The following LRRC57 variants were observed in gnomAD, a reference collection of about 807,000 sequenced individuals.
LRRC57 encodes the protein leucine-rich repeat-containing protein 57.
A neutral mutation model predicts 23.1 loss-of-function variants in LRRC57; 14 were observed. The ratio of observed to expected loss-of-function variants is 0.61; its 90% confidence interval spans 0.40 to 0.95. LRRC57 has a LOEUF of 0.95. Among genes scored for constraint, LRRC57 ranks in the 40% least tolerant of loss-of-function variants. The pLI, the probability that LRRC57 is intolerant of heterozygous loss-of-function variation, is 0.00. For missense variants in LRRC57, 236 were observed against 284.4 expected, an observed-to-expected ratio of 0.83 and a Z score of 1.22; for synonymous variants, 106 against 115.2, an observed-to-expected ratio of 0.92 and a Z score of 0.51.
chr15:42,528,357 C>T, the LRRC57 span: 54 of 1,613,928 alleles, frequency 3.3e-5, 1 homozygote, highest in Admixed American at 1.0e-4. Context: ...CAGCCAGGCC[C>T]GGTGACAAAT....
the LRRC57 span, among the ~76,000 whole-genome samples, chr15:42,529,454 CAG>C: frequency 1.0e-3 from 153 of 152,270 alleles, no homozygotes; most frequent in Non-Finnish European, 1.7e-3. Context: ...AACACTGTTT[CAG>C]AGTTTCTTTC....
At chr15:42,528,470 A>T in the LRRC57 span, 1 of 1,579,852 alleles carries the variant, frequency 6.3e-7, no homozygotes, top group Non-Finnish European at 8.7e-7. Context: ...TGAATGGTTC[A>T]CTTAGGAGAT....
In LRRC57 at chr15:42,548,022, C is replaced by CA. The variant is rs145859865; in HGVS notation, c.223+83dup. 9.9e-3 allele frequency: 14,866 copies of CA among 1,506,856 alleles called. 1,033 individuals are homozygous for CA. In the African/African-American group the frequency reaches 0.16, roughly 17 times the overall value. The allele number at this position is 1,506,856 out of a possible 1,614,324, so 93.3% of individuals were successfully genotyped here. On this transcript the variant is annotated intron_variant, in intron 3 of 5. Transcript: ENST00000397130. ...TGAGCCCTCCTGCACGGTTTCATAA[C>CA]AAAAACAAAAATCAGCTTGTAAGAG...
intron 3 of LRRC57, 158 bp downstream of exon 3, chr15:42,547,948 A>T: frequency 1.5e-6 from 1 of 667,084 alleles, no homozygotes; most frequent in South Asian, 2.0e-5. Flanking sequence ...TTTTAGATGT[A>T]ATTACAAGAA....
At chr15:42,535,486 T>A (rs186456343), downstream of LRRC57, among the ~76,000 whole-genome samples, 1 of 151,272 alleles carries the variant, frequency 6.6e-6, no homozygotes, top group Non-Finnish European at 1.5e-5. Flanking sequence ...TGCTCTGTCG[T>A]CCAGGCTGGA....
At chr15:42,546,460 G>A (rs748657871) in intron 4 of LRRC57, among the ~76,000 whole-genome samples, 2 of 151,990 alleles carry the variant, frequency 1.3e-5, no homozygotes, top group Non-Finnish European at 2.9e-5. Flanking sequence ...AAAAAAACAT[G>A]AGGCCAATTC....
At chr15:42,528,447 G>A in the LRRC57 span, 1 of 1,611,230 alleles carries the variant, frequency 6.2e-7, no homozygotes, top group East Asian at 2.2e-5. Context: ...TGATATTCCT[G>A]TACCTTTCTT....
At chr15:42,536,290 A>G (rs79776534), downstream of LRRC57, among the ~76,000 whole-genome samples, 763 of 152,376 alleles carry the variant, frequency 5.0e-3, 9 homozygotes, top group African/African-American at 0.017. Flanking sequence ...CAAACTGTCT[A>G]TTTGTGAAAA....
Position 42,547,472 on chromosome 15 carries a change from T to A in LRRC57, c.281A>T (p.Asn94Ile), listed in dbSNP as rs765799395. ...LKKLETLSLN[N>I]NHLRELPSTF... ...AGACGGCAGCTCTCTAAGGTGATTGTTGTTTAGGCTTAGCGTCTCTAGTTT... is the reference window on the plus strand; with the variant it reads ...AGACGGCAGCTCTCTAAGGTGATTGATGTTTAGGCTTAGCGTCTCTAGTTT... Residue 94 changes from asparagine (N) to isoleucine (I), a missense_variant, in exon 4 of 6, where the codon AAC (asparagine) becomes ATC (isoleucine). Asn to Ile is a moderately radical substitution (Grantham distance 149). Transcript: ENST00000397130. 2 of 1,614,136 alleles carry A rather than the reference T, an allele frequency of 1.2e-6. No homozygotes were observed. The highest frequency in any genetic ancestry group is 1.7e-6 in the Non-Finnish European group (2 of 1,179,974).
downstream of LRRC57, among the ~76,000 whole-genome samples, chr15:42,537,231 T>TCACACACACACA (rs777117722): frequency 1.9e-3 from 255 of 132,128 alleles, no homozygotes; most frequent in African/African-American, 4.2e-3. Flanking sequence ...TCTCTCTCTC[T>TCACACACACACA]CTCACACACA....
In LRRC57 at chr15:42,541,277, G is replaced by C. The variant is rs12906697; in HGVS notation, c.*2806C>G. 85,457 of 152,012 alleles carry C rather than the reference G, an allele frequency of 0.56. 29,398 individuals carry two copies. The highest frequency in any genetic ancestry group is 0.79 in the East Asian group (4,064 of 5,154). The allele number at this position is 152,012 out of a possible 1,614,324, so 9.4% of individuals were successfully genotyped here. A position where few individuals can be genotyped will look rare whatever the true frequency, so the allele number is the denominator to read the frequency against. ...CCAGCACTTTGGGAGGCTGAGGTGG[G>C]TGGATCACCTGAAGCCAGGAGTTCA... On this transcript the variant is annotated 3_prime_UTR_variant, in exon 6 of 6. Transcript: ENST00000397130.
Position 42,544,100 on chromosome 15 carries a change from T to G in LRRC57, c.703A>C (p.Lys235Gln). The G allele has an allele frequency of 4.3e-6, 7 of 1,613,410 alleles. No individual in the cohort carries two copies. The highest frequency in any genetic ancestry group is 5.9e-6 in the Non-Finnish European group (7 of 1,179,536). The change falls in exon 6 of 6, where the codon AAG becomes CAG. Residue 235 changes from lysine to glutamine, a missense_variant. Physicochemically the swap from Lys to Gln is moderately conservative, Grantham distance 53. Transcript: ENST00000397130. ...DKYMERFTAT[K>Q]KKFA ...GGAGAACTTCACGCAAACTTCTTCT[T>G]GGTGGCTGTGAACCTCTCCATGTAC...
chr15:42,531,602 G>A, the LRRC57 span: 28 of 655,718 alleles, frequency 4.3e-5, no homozygotes, highest in Middle Eastern at 4.2e-4. Context: ...ATGGAAGAAG[G>A]GCCAGAGCAG....
chr15:42,547,301 C>T lies in LRRC57; in HGVS notation c.452G>A (p.Gly151Glu). 6.2e-7 allele frequency: 1 copy of T among 1,614,168 alleles called. No homozygotes were observed. Among genetic ancestry groups the T allele is most frequent in the Non-Finnish European group, 8.5e-7 (1 of 1,180,034 alleles). Residue 151 changes from glycine to glutamate, a missense_variant, in exon 4 of 6, where the codon GGA becomes GAA. Coordinates refer to ENST00000397130, the MANE Select transcript of LRRC57 (RefSeq NM_153260.3). ...GTTGAGTTCGATGACTTGCAGCTCT[C>T]CCACTGAGTCAGGTATACTTCGAAT... is the stretch of plus-strand genomic sequence containing the variant. ...NQIRSIPDSV[G>E]ELQVIELNLN...
In LRRC57 at chr15:42,548,446, G is replaced by A. The variant is rs374785573; in HGVS notation, c.-12C>T. 1 of 1,612,992 alleles carries A rather than the reference G, an allele frequency of 6.2e-7. No individual in the cohort carries two copies. The highest frequency in any genetic ancestry group is 8.5e-7 in the Non-Finnish European group (1 of 1,179,948). ...GCACTGTTTCCCATCCTAGCGCCGCGGCTCAGGTCCCTGCGGGAAGGAAGC... is the reference window on the plus strand; with the variant it reads ...GCACTGTTTCCCATCCTAGCGCCGCAGCTCAGGTCCCTGCGGGAAGGAAGC... On this transcript the variant is annotated 5_prime_UTR_variant, in exon 2 of 6. Coordinates refer to ENST00000397130, the MANE Select transcript of LRRC57 (RefSeq NM_153260.3).
the LRRC57 span, among the ~76,000 whole-genome samples, chr15:42,530,244 T>C: frequency 1.3e-5 from 2 of 152,178 alleles, no homozygotes; most frequent in Non-Finnish European, 2.9e-5. Context: ...CACATCAGCC[T>C]ATTTTGTTAA....
At chr15:42,529,758 C>T in the LRRC57 span, 2 of 1,613,990 alleles carry the variant, frequency 1.2e-6, no homozygotes, top group Non-Finnish European at 8.5e-7. Context: ...AAAGACATGG[C>T]CCTGAACATA....
intron 5 of LRRC57, among the ~76,000 whole-genome samples, chr15:42,544,685 A>G (rs2057647449): frequency 1.3e-5 from 2 of 151,508 alleles, no homozygotes; most frequent in South Asian, 4.2e-4. Flanking sequence ...ATACTGGCAC[A>G]CGACTGTGAT....
intron 4 of LRRC57, among the ~76,000 whole-genome samples, chr15:42,546,578 TAC>T (rs1448777405): frequency 3.9e-5 from 6 of 152,182 alleles, no homozygotes; most frequent in Non-Finnish European, 1.5e-5. Context: ...GATCTAGAAA[TAC>T]AGACACTAGA....
Sources: allele counts gnomAD v4.1 joint callset (sites outside exome capture counted in the v4.1 genomes callset), GRCh38; gene constraint gnomAD v4.1.1; transcripts MANE v1.5; gene names NCBI Gene and HGNC (gene_info 2026-07-23, HGNC 2026-07-21).